Variants in TNFRSF19 observed in about 807,000 individuals in gnomAD.
TNFRSF19 encodes tumor necrosis factor receptor superfamily member 19.
A neutral mutation model predicts 46.4 loss-of-function variants in TNFRSF19; 27 were observed. The observed-to-expected ratio is 0.58, with a 90% confidence interval of 0.43 to 0.80. The LOEUF is 0.80. TNFRSF19 is among the 30% of genes least tolerant of loss of function. The pLI is 0.00. For missense variants in TNFRSF19, 511 were observed against 530.8 expected (o/e 0.96, Z 0.37); for synonymous variants, 204 against 205.0 (o/e 1.00, Z 0.04).
chr13:23,626,234 A>T (rs1261151576), intron 4 of TNFRSF19, among the ~76,000 whole-genome samples: 1 of 139,188 alleles, frequency 7.2e-6, no homozygotes, highest in African/African-American at 2.8e-5. Flanking sequence ...GTTGCTGTTC[A>T]TCTCTTCCAC....
intron 5 of TNFRSF19, among the ~76,000 whole-genome samples, chr13:23,649,958 T>C (rs964446338): frequency 6.6e-6 from 1 of 152,194 alleles, no homozygotes; most frequent in African/African-American, 2.4e-5. Flanking sequence ...GACACTTGTT[T>C]TGTGACCTAA....
chr13:23,647,240 T>C (rs1420612325), intron 5 of TNFRSF19, among the ~76,000 whole-genome samples: 2 of 152,258 alleles, frequency 1.3e-5, no homozygotes, highest in Non-Finnish European at 2.9e-5. Context: ...TGTCATTTCA[T>C]GTCCTTGATG....
At chr13:23,600,456 C>T (rs1233704296) in intron 3 of TNFRSF19, among the ~76,000 whole-genome samples, 1 of 152,158 alleles carries the variant, frequency 6.6e-6, no homozygotes, top group African/African-American at 2.4e-5. Context: ...AGAGCACCCT[C>T]CCATGCTTTT....
chr13:23,622,271 G>C (rs1052323812), intron 4 of TNFRSF19, among the ~76,000 whole-genome samples: 1 of 101,552 alleles, frequency 9.8e-6, no homozygotes, highest in African/African-American at 3.0e-5. Flanking sequence ...AGCTGGGCAT[G>C]GTAAACGGGT....
At chr13:23,573,985 C>A (rs915939794) in intron 1 of TNFRSF19, among the ~76,000 whole-genome samples, 3 of 150,018 alleles carry the variant, frequency 2.0e-5, no homozygotes, top group Non-Finnish European at 3.0e-5. Flanking sequence ...TGGTGTGAAC[C>A]CGGGAGGCAG....
rs186835996 is a variant in TNFRSF19 at position 23,610,962 on chromosome 13, C to T, written c.181-4905C>T. 7.9e-5 allele frequency among the ~76,000 whole-genome samples: 12 copies of T among 152,156 alleles called. No individual in the cohort carries two copies. The East Asian group carries it at 1.2e-3, about 15-fold the overall frequency. Reference sequence around the variant, plus strand: ...GTCATAATTTCAAGAATACAGACTACGGGGTATTTTAAAACAGAAATGCAT... The same window carrying T: ...GTCATAATTTCAAGAATACAGACTATGGGGTATTTTAAAACAGAAATGCAT... On this transcript the variant is annotated intron_variant, in intron 3 of 9. Coordinates refer to ENST00000248484, the MANE Select transcript of TNFRSF19 (RefSeq NM_148957.4).
Position 23,668,705 on chromosome 13 carries a change from G to T in TNFRSF19, c.853G>T (p.Ala285Ser). ...ACGTGTGTGCAGAAACGCAGGCCCA[G>T]CCGGGGAGATGGTGCCGACTTTCTT... ...ASLQARNAGP[A>S]GEMVPTFFGS... Residue 285 changes from alanine to serine, a missense_variant, in exon 9 of 10, where the codon GCC becomes TCC. By Grantham distance (99) the Ala-to-Ser change is moderately conservative. Around this residue, in one of 3 missense-constraint regions of TNFRSF19, gnomAD observed 376 missense variants for 372.7 expected, o/e 1.01. Transcript: ENST00000248484. The T allele has an allele frequency of 6.2e-7, 1 of 1,613,470 alleles. No homozygotes were observed.
At chr13:23,592,963 A>G (rs939467078) in intron 2 of TNFRSF19, among the ~76,000 whole-genome samples, 1 of 149,628 alleles carries the variant, frequency 6.7e-6, no homozygotes, top group Admixed American at 6.7e-5. Flanking sequence ...ACCTTGGGTC[A>G]TATATCAAAG....
intron 3 of TNFRSF19, among the ~76,000 whole-genome samples, chr13:23,595,848 G>C (rs1879682070): frequency 6.6e-6 from 1 of 152,088 alleles, no homozygotes; most frequent in South Asian, 2.1e-4. Context: ...AAATGTTAAG[G>C]GCAGCCAGAG....
rs116239084 is a variant in TNFRSF19, at chr13:23,590,277, A to G, written c.69+25A>G. On this transcript the variant is annotated intron_variant, in intron 2 of 9. Coordinates refer to ENST00000248484, the MANE Select transcript of TNFRSF19 (RefSeq NM_148957.4). Reference sequence around the variant, plus strand: ...GGTAAGTAAAGTCCTTTTTTCTTTCATAAGAATGTGGTGAAAGAATTCATG... The same window carrying G: ...GGTAAGTAAAGTCCTTTTTTCTTTCGTAAGAATGTGGTGAAAGAATTCATG... 964 of 1,428,486 alleles carry G rather than the reference A, an allele frequency of 6.7e-4. 4 individuals are homozygous for G. The African/African-American group carries it at 0.012, about 18-fold the overall frequency. 88.5% of individuals were successfully genotyped at this position (1,428,486 alleles called of 1,614,324 possible).
At chr13:23,645,080 T>C (rs1883253805) in intron 5 of TNFRSF19, among the ~76,000 whole-genome samples, 1 of 152,260 alleles carries the variant, frequency 6.6e-6, no homozygotes, top group South Asian at 2.1e-4. Flanking sequence ...AATCATTCAA[T>C]AATAAATTTG....
chr13:23,633,516 T>G (rs1397440499), intron 5 of TNFRSF19, among the ~76,000 whole-genome samples: 1 of 145,788 alleles, frequency 6.9e-6, no homozygotes, highest in Non-Finnish European at 1.5e-5. Flanking sequence ...ATGTTGAAAA[T>G]TTGTTACAGC....
chr13:23,651,089 A>G lies in TNFRSF19; in HGVS notation c.446-7961A>G, dbSNP rs371734689. On this transcript the variant is annotated intron_variant, in intron 5 of 9. Coordinates refer to ENST00000248484, the MANE Select transcript of TNFRSF19 (RefSeq NM_148957.4). ...ACTTCAGAACTGTATGCTTGTCTCA[A>G]TTAAGATTGAAGAGAGCTCTTTGTT... Among the ~76,000 whole-genome samples, 4 of 152,358 alleles carry G rather than the reference A, an allele frequency of 2.6e-5. No individual in the cohort carries two copies. The East Asian group carries it at 7.7e-4, about 29-fold the overall frequency.
chr13:23,585,689 C>G (rs1878774535), intron 1 of TNFRSF19: 1 of 152,196 alleles, frequency 6.6e-6, no homozygotes, highest in Non-Finnish European at 1.5e-5. Context: ...ATAGTGAAAT[C>G]ACAGCTCTTG....
intron 1 of TNFRSF19, among the ~76,000 whole-genome samples, chr13:23,581,156 C>G (rs1362216989): frequency 7.3e-6 from 1 of 136,552 alleles, no homozygotes; most frequent in Non-Finnish European, 1.5e-5. Flanking sequence ...GAAACGGAGT[C>G]TCGCTCTGTC....
At chr13:23,616,917 TAAAG>T (rs1235698473) in intron 4 of TNFRSF19, among the ~76,000 whole-genome samples, 1 of 152,020 alleles carries the variant, frequency 6.6e-6, no homozygotes, top group Non-Finnish European at 1.5e-5. Flanking sequence ...TAGTAAATAA[TAAAG>T]AAGCAAATTA....
chr13:23,630,644 T>C (rs1001265592), intron 5 of TNFRSF19, among the ~76,000 whole-genome samples: 2 of 152,220 alleles, frequency 1.3e-5, no homozygotes, highest in Admixed American at 6.5e-5. Flanking sequence ...CTGCAGGCAT[T>C]GTTCCCCCAA....
chr13:23,584,490 G>A (rs957469397), intron 1 of TNFRSF19, among the ~76,000 whole-genome samples: 1 of 152,032 alleles, frequency 6.6e-6, no homozygotes, highest in Admixed American at 6.6e-5. Context: ...GGGCATTTGG[G>A]CTGGTTACAT....
intron 3 of TNFRSF19, among the ~76,000 whole-genome samples, chr13:23,596,026 G>A (rs982893888): frequency 9.2e-5 from 14 of 152,082 alleles, no homozygotes; most frequent in South Asian, 2.1e-4. Context: ...CATAAGTGAC[G>A]GAGAAATAAA....
Sources: gnomAD v4.1 joint callset for allele counts (sites outside exome capture counted in the v4.1 genomes callset) on GRCh38, gnomAD v4.1.1 for gene constraint, gnomAD v4.1.1 regional missense constraint, MANE v1.5 for transcripts, NCBI Gene and HGNC (gene_info 2026-07-23, HGNC 2026-07-21) for gene names.